The following SCGN variants were observed in gnomAD, a reference collection of about 807,000 sequenced individuals.
SCGN encodes secretagogin.
A neutral mutation model predicts 39.7 loss-of-function variants in SCGN; 30 were observed. The observed-to-expected ratio is 0.76, with a 90% CI of 0.57 to 1.03. The LOEUF is 1.03. SCGN is among the 50% of genes least tolerant of loss of function. The pLI is 0.00. For synonymous variants in SCGN, 106 were observed against 114.1 expected, an observed-to-expected ratio of 0.93 and a Z score of 0.45; for missense variants, 353 against 349.4, an observed-to-expected ratio of 1.01 and a Z score of -0.08.
intron 9 of SCGN, among the ~76,000 whole-genome samples, chr6:25,690,236 C>T (rs750306275): frequency 3.3e-5 from 5 of 152,154 alleles, no homozygotes; most frequent in Non-Finnish European, 7.3e-5. Context: ...TGGCCTTGGG[C>T]AGGTTCCTTA....
chr6:25,668,808 T>C (rs1156991508), intron 4 of SCGN, among the ~76,000 whole-genome samples: 1 of 152,168 alleles, frequency 6.6e-6, no homozygotes, highest in Non-Finnish European at 1.5e-5. Flanking sequence ...TTGCGATCTA[T>C]GCTATGTAAT....
At chr6:25,681,031 T>G (rs1759631630) in intron 6 of SCGN, among the ~76,000 whole-genome samples, 1 of 152,214 alleles carries the variant, frequency 6.6e-6, no homozygotes, top group Non-Finnish European at 1.5e-5. Context: ...TAAAATGTTG[T>G]AAAGTCACAA....
chr6:25,665,039 G>A lies in SCGN; in HGVS notation c.336+7G>A. 1 of 1,607,852 alleles carries A rather than the reference G, an allele frequency of 6.2e-7. No homozygotes were observed. Among genetic ancestry groups the A allele is most frequent in the Non-Finnish European group, 8.5e-7 (1 of 1,174,482 alleles). The stretch of plus-strand genomic sequence containing the variant: ...CAGCGTGGAGTTTATGCAGGTGAGT[G>A]CTTGGTTGTGTCTCTGTGAAGAAAG... On this transcript the variant is annotated splice_region_variant and intron_variant, in intron 4 of 10. Coordinates refer to ENST00000377961, the MANE Select transcript of SCGN (RefSeq NM_006998.4).
At position 25,682,028 on chromosome 6, in the gene SCGN, T is replaced by C. The variant is rs758424052; in HGVS notation, c.527+22T>C. ...CAAGGTGAGTTACATGGAAATGATA[T>C]CATACATTCAGAAATACCTTACTAG... On this transcript the variant is annotated intron_variant, in intron 7 of 10. Transcript: ENST00000377961. 5 of 1,572,846 alleles carry C rather than the reference T, an allele frequency of 3.2e-6. No homozygotes were observed. The African/African-American group carries it at 4.0e-5, about 13-fold the overall frequency.
Position 25,653,415 on chromosome 6 carries a change from C to G in SCGN, c.116C>G (p.Ala39Gly), listed in dbSNP as rs200206687. The change falls in exon 2 of 11, where the codon GCT (alanine) becomes GGT (glycine). Residue 39 changes from alanine to glycine, a missense_variant. By Grantham distance (60) the Ala-to-Gly change is moderately conservative. Transcript: ENST00000377961. ...KGYIEEKELD[A>G]FFLHMLMKLG... is the part of the protein sequence containing the mutation. The stretch of plus-strand genomic sequence containing the variant: ...TACATAGAAGAGAAGGAACTCGATG[C>G]TTTCTTTCTCCACATGTTGATGAAA... 3.7e-6 allele frequency: 6 copies of G among 1,613,040 alleles called. No homozygotes were observed. Among genetic ancestry groups the G allele is most frequent in the East Asian group, 2.2e-5 (1 of 44,782 alleles).
rs775212577 is a variant in SCGN, at chr6:25,665,026, T to C, written c.330T>C (p.Phe110=). 6.2e-7 allele frequency: 1 copy of C among 1,613,048 alleles called. No individual in the cohort carries two copies. Among genetic ancestry groups the C allele is most frequent in the Non-Finnish European group, 8.5e-7 (1 of 1,179,060 alleles). The change falls in exon 4 of 11, where the codon TTT becomes TTC. Residue 110 remains phenylalanine (F), a synonymous_variant. Transcript: ENST00000377961. The part of the protein sequence containing the change: ...RENPLDSSVE[F]MQIWRKYDAD... ...ACCCACTGGACAGCAGCGTGGAGTT[T>C]ATGCAGGTGAGTGCTTGGTTGTGTC...
intron 6 of SCGN, among the ~76,000 whole-genome samples, chr6:25,681,310 T>G (rs1317492962): frequency 6.6e-6 from 1 of 152,200 alleles, no homozygotes. Flanking sequence ...CCCTATGATA[T>G]GAGCCCTCCA....
intron 6 of SCGN, among the ~76,000 whole-genome samples, chr6:25,676,422 C>T (rs1333270445): frequency 6.6e-6 from 1 of 152,226 alleles, no homozygotes; most frequent in Non-Finnish European, 1.5e-5. Context: ...ACCTTATCTC[C>T]TTTTATCTCC....
intron 4 of SCGN, among the ~76,000 whole-genome samples, chr6:25,666,522 T>C (rs545713120): frequency 2.6e-4 from 39 of 152,354 alleles, no homozygotes; most frequent in African/African-American, 9.1e-4. Flanking sequence ...TTAGTTATGA[T>C]ATATTCATAT....
At chr6:25,683,298 A>G (rs1240069755) in intron 7 of SCGN, among the ~76,000 whole-genome samples, 1 of 152,126 alleles carries the variant, frequency 6.6e-6, no homozygotes, top group Non-Finnish European at 1.5e-5. Context: ...GCCAATCCCA[A>G]AGCCACCAAA....
intron 2 of SCGN, among the ~76,000 whole-genome samples, chr6:25,660,728 A>C (rs1249740140): frequency 1.3e-5 from 2 of 152,170 alleles, no homozygotes; most frequent in African/African-American, 4.8e-5. Flanking sequence ...CACCCCCAAC[A>C]CCAACAGGGA....
chr6:25,657,046 C>T (rs1276373236), intron 2 of SCGN, among the ~76,000 whole-genome samples: 4 of 152,088 alleles, frequency 2.6e-5, no homozygotes, highest in Non-Finnish European at 5.9e-5. Context: ...GAGTGATTTC[C>T]ATTGTGCTTT....
intron 4 of SCGN, among the ~76,000 whole-genome samples, chr6:25,665,786 T>G (rs1170529470): frequency 6.6e-6 from 1 of 152,232 alleles, no homozygotes; most frequent in Non-Finnish European, 1.5e-5. Flanking sequence ...AAATTCTGAA[T>G]GGACCATGAA....
chr6:25,652,726 G>T (rs1046691416), intron 1 of SCGN, among the ~76,000 whole-genome samples: 3 of 152,072 alleles, frequency 2.0e-5, no homozygotes, highest in Admixed American at 6.5e-5. Flanking sequence ...CTCTTTGTGT[G>T]CGAGCGCGCC....
At chr6:25,676,741 A>C (rs60268753) in intron 6 of SCGN, among the ~76,000 whole-genome samples, 11,011 of 152,202 alleles carry the variant, frequency 0.072, 675 homozygotes, top group African/African-American at 0.16. Flanking sequence ...TATGTAAAAC[A>C]GTCAGTATTT....
At chr6:25,700,241 C>CAA (rs34079471) in intron 10 of SCGN, among the ~76,000 whole-genome samples, 55,392 of 100,886 alleles carry the variant, frequency 0.55, 15,924 homozygotes, top group East Asian at 0.79. Flanking sequence ...GACTTCGTCT[C>CAA]AAAAAAAAAA....
intron 2 of SCGN, among the ~76,000 whole-genome samples, chr6:25,660,930 T>C (rs1280130363): frequency 6.6e-6 from 1 of 152,252 alleles, no homozygotes; most frequent in African/African-American, 2.4e-5. Context: ...ATTCATTCTT[T>C]ATTGTTGGTT....
chr6:25,693,652 G>T (rs1465195643), intron 10 of SCGN, among the ~76,000 whole-genome samples: 1 of 128,872 alleles, frequency 7.8e-6, no homozygotes, highest in Non-Finnish European at 1.7e-5. Context: ...TAAAAGATAG[G>T]TATGATTATG....
intron 4 of SCGN, among the ~76,000 whole-genome samples, chr6:25,669,118 A>AAG (rs1483384459): frequency 6.6e-6 from 1 of 151,886 alleles, no homozygotes; most frequent in Admixed American, 6.6e-5. Flanking sequence ...CTCAAAAAAA[A>AAG]AAAAAAAATC....
Sources: allele counts gnomAD v4.1 joint callset (sites outside exome capture counted in the v4.1 genomes callset), GRCh38; gene constraint gnomAD v4.1.1; transcripts MANE v1.5; gene names NCBI Gene and HGNC (gene_info 2026-07-23, HGNC 2026-07-21).